AASS: variants seen among roughly 807,000 people sequenced by gnomAD.
The protein encoded by AASS is aminoadipate-semialdehyde synthase.
A neutral mutation model predicts 105.4 loss-of-function variants in AASS; 86 were observed. The ratio of observed to expected loss-of-function variants is 0.82; its 90% CI spans 0.69 to 0.98. AASS has a LOEUF of 0.98. Among genes scored for constraint, AASS ranks in the 50% least tolerant of loss-of-function variants. The pLI is 0.00. For missense variants in AASS, 1,048 were observed against 1,143.2 expected, an observed-to-expected ratio of 0.92 and a Z score of 1.20; for synonymous variants, 381 against 394.8, an observed-to-expected ratio of 0.96 and a Z score of 0.41.
chr7:122,101,953 C>T (rs1391301869), intron 11 of AASS, among the ~76,000 whole-genome samples: 1 of 151,812 alleles, frequency 6.6e-6, no homozygotes, highest in African/African-American at 2.4e-5. Context: ...AAAGCTTATC[C>T]TTTCCAACCA....
At chr7:122,091,950 T>C in intron 17 of AASS, 107 bp from the exon 18 acceptor site, 1 of 836,834 alleles carries the variant, frequency 1.2e-6, no homozygotes, top group East Asian at 2.7e-5. Context: ...CTACAGTTTT[T>C]CATTCTTAAA....
chr7:122,083,003 A>G (rs1449289230), intron 19 of AASS: 1 of 527,950 alleles, frequency 1.9e-6, no homozygotes. Context: ...TGAGAAGGCT[A>G]AGATAAGAAA....
intron 15 of AASS, among the ~76,000 whole-genome samples, chr7:122,097,209 A>G (rs1388486148): frequency 6.6e-6 from 1 of 151,822 alleles, no homozygotes; most frequent in African/African-American, 2.4e-5. Context: ...ACATCACAGA[A>G]CTTCCTCCAA....
intron 13 of AASS, 67 bp downstream of exon 13, chr7:122,101,303 TA>T (rs377200231): frequency 3.9e-6 from 5 of 1,268,882 alleles, no homozygotes; most frequent in African/African-American, 1.5e-5. Flanking sequence ...ATTGAAGCAT[TA>T]AAAAATACTC....
intron 11 of AASS, among the ~76,000 whole-genome samples, chr7:122,104,825 A>T (rs1034158668): frequency 2.0e-5 from 3 of 152,074 alleles, no homozygotes; most frequent in Admixed American, 6.6e-5. Context: ...CCTATCAGGT[A>T]CTATGCTCAC....
At chr7:122,118,741 T>G (rs1363792051) in intron 4 of AASS, 111 bp from the exon 5 acceptor site, 1 of 1,106,356 alleles carries the variant, frequency 9.0e-7, no homozygotes, top group African/African-American at 1.6e-5. Flanking sequence ...AGATCATGCA[T>G]CTCAGATTTA....
At chr7:122,104,177 A>G (rs1478731881) in intron 11 of AASS, among the ~76,000 whole-genome samples, 1 of 151,888 alleles carries the variant, frequency 6.6e-6, no homozygotes, top group Non-Finnish European at 1.5e-5. Flanking sequence ...TGAATGGATT[A>G]AAAAAACAAA....
intron 4 of AASS, 67 bp downstream of exon 4, chr7:122,126,308 G>C: frequency 7.1e-7 from 1 of 1,405,940 alleles, no homozygotes; most frequent in Non-Finnish European, 1.0e-6. Context: ...CCGCAGAAAA[G>C]AGAAAACTCA....
At chr7:122,122,096 T>C (rs1315042412) in intron 4 of AASS, among the ~76,000 whole-genome samples, 1 of 152,196 alleles carries the variant, frequency 6.6e-6, no homozygotes, top group Non-Finnish European at 1.5e-5. Context: ...AATGTTTTTA[T>C]CATTATTTTT....
chr7:122,101,566 C>T, intron 12 of AASS, 55 bp downstream of exon 12: 1 of 1,524,822 alleles, frequency 6.6e-7, no homozygotes, highest in Non-Finnish European at 9.1e-7. Flanking sequence ...GAGAAGAGAG[C>T]AAAAATGGTA....
chr7:122,130,534 T>C (rs961085119), intron 2 of AASS, among the ~76,000 whole-genome samples: 3 of 152,002 alleles, frequency 2.0e-5, no homozygotes, highest in South Asian at 2.1e-4. Flanking sequence ...ATGAGGTAAG[T>C]ACAATTATAA....
At chr7:122,093,252 G>T in intron 15 of AASS, 94 bp from the exon 16 acceptor site, 1 of 918,504 alleles carries the variant, frequency 1.1e-6, no homozygotes. Context: ...TTAAGGTACT[G>T]TTCTGATTAA....
rs987766346 is a variant in AASS at position 122,133,636 on chromosome 7, C to G, written c.91G>C (p.Glu31Gln). ...CTTCTCTCCCAGGCGTTCACATCCT[C>G]CCTCCGGACGGCCAACACAGCTTTG... ...HHKAVLAVRR[E>Q]DVNAWERRAP... Residue 31 changes from glutamate (E) to glutamine (Q), a missense_variant, in exon 2 of 24, where the codon GAG becomes CAG. Physicochemically the swap from Glu to Gln is conservative, Grantham distance 29. Coordinates refer to ENST00000417368, the MANE Select transcript of AASS (RefSeq NM_005763.4). 4 of 1,614,186 alleles carry G rather than the reference C, an allele frequency of 2.5e-6. No homozygotes were observed. The highest frequency in any genetic ancestry group is 3.4e-6 in the Non-Finnish European group (4 of 1,180,034).
intron 11 of AASS, among the ~76,000 whole-genome samples, chr7:122,105,708 C>A (rs1328817481): frequency 6.6e-6 from 1 of 151,838 alleles, no homozygotes; most frequent in East Asian, 1.9e-4. Context: ...CTACCAAAAC[C>A]TATGGGATAC....
At chr7:122,100,708 G>T (rs1212272961) in intron 13 of AASS, among the ~76,000 whole-genome samples, 1 of 151,600 alleles carries the variant, frequency 6.6e-6, no homozygotes, top group Non-Finnish European at 1.5e-5. Flanking sequence ...GGCTGGAGGA[G>T]ACCAGAATAT....
intron 20 of AASS, among the ~76,000 whole-genome samples, chr7:122,081,034 G>T (rs1035367451): frequency 6.6e-6 from 1 of 152,158 alleles, no homozygotes; most frequent in Non-Finnish European, 1.5e-5. Context: ...AGAGATAGAC[G>T]CATAAGCTCG....
chr7:122,133,664 G>A lies in AASS; in HGVS notation c.63C>T (p.His21=). 6.2e-7 allele frequency: 1 copy of A among 1,614,126 alleles called. No individual in the cohort carries two copies. Among genetic ancestry groups the A allele is most frequent in the Non-Finnish European group, 8.5e-7 (1 of 1,180,036 alleles). The part of the protein sequence containing the change: ...RLGVSLSKGL[H]HKAVLAVRRE... ...TCCGGACGGCCAACACAGCTTTGTG[G>A]TGAAGACCCTTGGAGAGGCTGACCC... is the stretch of plus-strand genomic sequence containing the variant. Residue 21 remains histidine (H), a synonymous_variant, in exon 2 of 24, where the codon CAC becomes CAT. Coordinates refer to ENST00000417368, the MANE Select transcript of AASS (RefSeq NM_005763.4).
intron 19 of AASS, among the ~76,000 whole-genome samples, chr7:122,085,019 G>C (rs1793556230): frequency 6.6e-6 from 1 of 152,170 alleles, no homozygotes; most frequent in South Asian, 2.1e-4. Context: ...AATGTTTGCA[G>C]ATAGAATTAA....
intron 11 of AASS, among the ~76,000 whole-genome samples, chr7:122,111,239 C>A (rs1181863052): frequency 6.6e-6 from 1 of 152,016 alleles, no homozygotes; most frequent in African/African-American, 2.4e-5. Context: ...AAGATAGAAA[C>A]TCTCTGCAGA....
Sources: allele counts gnomAD v4.1 joint callset (sites outside exome capture counted in the v4.1 genomes callset), GRCh38; gene constraint gnomAD v4.1.1; transcripts MANE v1.5; gene names NCBI Gene and HGNC (gene_info 2026-07-23, HGNC 2026-07-21).